The following COA8 variants were observed in gnomAD, a reference collection of about 807,000 sequenced individuals.
The protein encoded by COA8 is cytochrome c oxidase assembly factor 8.
In COA8, 20 loss-of-function variants were observed where a neutral mutation model predicts 22.0. The observed-to-expected ratio is 0.91, with a 90% CI of 0.64 to 1.32. COA8 has a LOEUF of 1.32. Among genes scored for constraint, COA8 ranks in the 40% most tolerant of loss-of-function variants. The probability of loss-of-function intolerance (pLI) is 0.00; values close to 1 mark genes in which losing one functional copy is unlikely to be tolerated. For synonymous variants in COA8, 105 were observed against 79.9 expected (o/e 1.31, Z -1.68); for missense variants, 266 against 230.0 (o/e 1.16, Z -1.01).
chr14:103,575,992 T>C (rs1193423756), intron 3 of COA8, among the ~76,000 whole-genome samples: 2 of 150,728 alleles, frequency 1.3e-5, no homozygotes, highest in East Asian at 2.1e-4. Context: ...CGTGAGCCAC[T>C]GTGCCTGGCC....
rs2076338989 is a variant in COA8 at position 103,590,070 on chromosome 14, T to C, written c.477-111T>C. On this transcript the variant is annotated intron_variant, in intron 4 of 4. Coordinates refer to ENST00000409074, the MANE Select transcript of COA8 (RefSeq NM_001370595.2). ...CAAGGGCAGGGAAAGGGCAAAGCAG[T>C]TGAGGCCTGGTCAGTTGAACTCATC... The C allele has an allele frequency of 3.6e-6, 3 of 831,126 alleles. No homozygotes were observed. In the South Asian group the frequency reaches 4.7e-5, roughly 13 times the overall value. 51.5% of individuals were successfully genotyped at this position (831,126 alleles called of 1,614,324 possible).
intron 1 of COA8, among the ~76,000 whole-genome samples, chr14:103,564,524 G>C (rs2076120079): frequency 6.9e-6 from 1 of 145,546 alleles, no homozygotes; most frequent in South Asian, 2.2e-4. Context: ...GTGCTGGAAA[G>C]AAACAACAGC....
At chr14:103,565,617 A>T (rs1447178857) in intron 1 of COA8, among the ~76,000 whole-genome samples, 7 of 144,110 alleles carry the variant, frequency 4.9e-5, no homozygotes, top group Middle Eastern at 3.3e-3. Context: ...CTTTTTTTTT[A>T]ATTTTTTTTT....
intron 2 of COA8, among the ~76,000 whole-genome samples, chr14:103,572,125 CAAAAAAAAA>C (rs1041953893): frequency 1.0e-5 from 1 of 99,362 alleles, no homozygotes; most frequent in African/African-American, 3.7e-5. Flanking sequence ...AGACTCGTCT[CAAAAAAAAA>C]AAAAGAAAAA....
At chr14:103,568,011 A>G (rs1032239347) in intron 1 of COA8, among the ~76,000 whole-genome samples, 3 of 152,090 alleles carry the variant, frequency 2.0e-5, no homozygotes, top group African/African-American at 7.2e-5. Context: ...TCTAGCATCC[A>G]TGTAGAATAG....
In COA8 at chr14:103,571,606, A is replaced by T; in HGVS notation, c.124-17A>T. 1 of 1,599,454 alleles carries T rather than the reference A, an allele frequency of 6.3e-7. No individual in the cohort carries two copies. The highest frequency in any genetic ancestry group is 8.6e-7 in the Non-Finnish European group (1 of 1,168,824). On this transcript the variant is annotated splice_polypyrimidine_tract_variant and intron_variant, in intron 1 of 4. Transcript: ENST00000409074. Reference sequence around the variant, plus strand: ...GATTCATTTTGTCATATGTTAATCCAATTTACTTTGTTAAAGGTCTCAAGA... The same window carrying T: ...GATTCATTTTGTCATATGTTAATCCTATTTACTTTGTTAAAGGTCTCAAGA...
Position 103,581,141 on chromosome 14 carries a change from G to A in COA8, c.386-6133G>A, listed in dbSNP as rs1046753633. 2.0e-5 allele frequency among the ~76,000 whole-genome samples: 3 copies of A among 152,148 alleles called. No individual in the cohort carries two copies. Among genetic ancestry groups the A allele is most frequent in the South Asian group, 2.1e-4 (1 of 4,828 alleles). ...ATAAAGGATTTGAGCATCCTGAAAT[G>A]TTGGTATCTGTAGGAGTCCTGGAAC... On this transcript the variant is annotated intron_variant, in intron 3 of 4. Transcript: ENST00000409074. This position sits in a 1 kb window ranked among gnomAD's most constrained non-coding sequence, Gnocchi z 4.1.
chr14:103,574,183 G>A lies in COA8; in HGVS notation c.385+13G>A. ...AGAACTGAATCAGGTTAGTGTGTTT[G>A]TTTGATTGTTTTTTTTGCTTTCTTT... On this transcript the variant is annotated intron_variant, in intron 3 of 4. Transcript: ENST00000409074. The A allele has an allele frequency of 6.3e-7, 1 of 1,581,202 alleles. No individual in the cohort carries two copies. Among genetic ancestry groups the A allele is most frequent in the African/African-American group, 1.4e-5 (1 of 72,310 alleles).
rs147116918 is a variant in COA8, at chr14:103,588,071, G to A, written c.476+707G>A. On this transcript the variant is annotated intron_variant, in intron 4 of 4. Coordinates refer to ENST00000409074, the MANE Select transcript of COA8 (RefSeq NM_001370595.2). ...GTGGAGGTTGCGGTGAGCTGAGATC[G>A]TGCCATTGCACTCCAGTCTGGGCAA... 9.1e-3 allele frequency: 2,161 copies of A among 237,046 alleles called. 54 individuals carry two copies. The highest frequency in any genetic ancestry group is 0.05 in the African/African-American group (1,991 of 39,748). 14.7% of individuals were successfully genotyped at this position (237,046 alleles called of 1,614,324 possible). A position where few individuals can be genotyped will look rare whatever the true frequency, so the allele number is the denominator to read the frequency against.
rs377584862 is a variant in COA8, at chr14:103,563,018, C to A, written c.17C>A (p.Ala6Glu). 23 of 1,556,948 alleles carry A rather than the reference C, an allele frequency of 1.5e-5. No homozygotes were observed. Among genetic ancestry groups the A allele is most frequent in the East Asian group, 2.3e-5 (1 of 43,108 alleles). MVVLR[A>E]GKKTFLPPLC... ...CGTGGGGCCATGGTGGTCTTGCGGG[C>A]GGGGAAGAAGACCTTTCTCCCCCCT... The change falls in exon 1 of 5, where the codon GCG becomes GAG. Residue 6 changes from alanine to glutamate, a missense_variant. Physicochemically the swap from Ala to Glu is moderately radical, Grantham distance 107. Coordinates refer to ENST00000409074, the MANE Select transcript of COA8 (RefSeq NM_001370595.2).
At chr14:103,564,486 G>A (rs941722599) in intron 1 of COA8, among the ~76,000 whole-genome samples, 3 of 151,686 alleles carry the variant, frequency 2.0e-5, no homozygotes, top group African/African-American at 7.3e-5. Flanking sequence ...GGGCGGGGGG[G>A]ATTTTCCCTA....
intron 4 of COA8, 144 bp downstream of exon 4, chr14:103,587,508 C>CTTT (rs368240107): frequency 1.8e-4 from 55 of 308,704 alleles, no homozygotes; most frequent in South Asian, 4.2e-4. Flanking sequence ...TTCTTTTTTT[C>CTTT]TTTTTTTTTT....
intron 4 of COA8, chr14:103,588,305 A>G: frequency 2.5e-6 from 1 of 396,928 alleles, no homozygotes; most frequent in Non-Finnish European, 4.4e-6. Context: ...ACTTGAGTCC[A>G]GGAGTTCAAG....
At chr14:103,579,286 C>A (rs1263218136) in intron 3 of COA8, 1 of 177,718 alleles carries the variant, frequency 5.6e-6, no homozygotes, top group Non-Finnish European at 1.2e-5. Flanking sequence ...TCAGTTCAAC[C>A]AACCACAGAT....
intron 3 of COA8, among the ~76,000 whole-genome samples, chr14:103,580,679 T>C (rs2076261441): frequency 6.6e-6 from 1 of 151,736 alleles, no homozygotes; most frequent in South Asian, 2.1e-4. Context: ...GTATTTTTAG[T>C]AGAGATGAGG....
intron 3 of COA8, among the ~76,000 whole-genome samples, chr14:103,582,897 T>C (rs925495649): frequency 6.6e-6 from 1 of 152,106 alleles, no homozygotes; most frequent in Non-Finnish European, 1.5e-5. Flanking sequence ...CCCACACCCA[T>C]TAGCCAGTCT....
At chr14:103,589,754 A>T (rs2076336309) in intron 4 of COA8, among the ~76,000 whole-genome samples, 1 of 151,842 alleles carries the variant, frequency 6.6e-6, no homozygotes, top group Admixed American at 6.6e-5. Context: ...AAAAAAAAAA[A>T]ATACAAAAAA....
chr14:103,579,151 A>G (rs894497664), intron 3 of COA8, among the ~76,000 whole-genome samples: 1 of 152,048 alleles, frequency 6.6e-6, no homozygotes, highest in African/African-American at 2.4e-5. Flanking sequence ...CATGAGACAG[A>G]GTAGGCCCTC....
intron 3 of COA8, among the ~76,000 whole-genome samples, chr14:103,575,335 G>C (rs1253170900): frequency 6.6e-6 from 1 of 152,212 alleles, no homozygotes; most frequent in East Asian, 1.9e-4. Context: ...TCCTATTGAT[G>C]GCTTTGCTGA....
Sources: allele counts gnomAD v4.1 joint callset (sites outside exome capture counted in the v4.1 genomes callset), GRCh38; gene constraint gnomAD v4.1.1; non-coding constraint Gnocchi (gnomAD v3.1); transcripts MANE v1.5; gene names NCBI Gene and HGNC (gene_info 2026-07-23, HGNC 2026-07-21).